The following CACNB4 variants were observed in gnomAD, a reference collection of about 807,000 sequenced individuals.
CACNB4 encodes calcium voltage-gated channel auxiliary subunit beta 4.
In CACNB4, 32 loss-of-function variants were observed where a neutral mutation model predicts 71.2. That is an observed-to-expected ratio of 0.45 (90% CI 0.34 to 0.60). The LOEUF (loss-of-function observed/expected upper bound fraction) is 0.60. CACNB4 is among the 20% of genes least tolerant of loss of function. CACNB4 has a pLI of 0.01. For missense variants in CACNB4, 464 were observed against 647.9 expected (o/e 0.72, Z 3.08); for synonymous variants, 231 against 236.9 (o/e 0.97, Z 0.23).
At chr2:151,869,375 C>A in intron 8 of CACNB4, 140 bp from the exon 9 acceptor site, 1 of 585,458 alleles carries the variant, frequency 1.7e-6, no homozygotes, top group Non-Finnish European at 3.1e-6. Context: ...GGGAGGTTAC[C>A]ATGGAAGGTG....
At chr2:152,008,159 C>T (rs1018396819) in intron 2 of CACNB4, among the ~76,000 whole-genome samples, 2 of 152,154 alleles carry the variant, frequency 1.3e-5, no homozygotes, top group African/African-American at 4.8e-5. Context: ...ATAAGAGTTC[C>T]CATTTCTCCA....
chr2:152,040,407 AATTTT>A (rs557335231), intron 2 of CACNB4, among the ~76,000 whole-genome samples: 1 of 152,202 alleles, frequency 6.6e-6, no homozygotes, highest in South Asian at 2.1e-4. Context: ...TCAGCTAATT[AATTTT>A]ATTTATCTAT....
At chr2:152,079,127 C>T (rs1033768400) in intron 2 of CACNB4, among the ~76,000 whole-genome samples, 3 of 152,040 alleles carry the variant, frequency 2.0e-5, no homozygotes, top group Non-Finnish European at 2.9e-5. Context: ...CTCACTCTGT[C>T]GCCCAGGCTG....
chr2:151,900,601 C>A (rs779631859), intron 2 of CACNB4, among the ~76,000 whole-genome samples: 12 of 152,106 alleles, frequency 7.9e-5, no homozygotes, highest in Admixed American at 7.9e-4. Flanking sequence ...ATCAGGAAAG[C>A]CGGGAGGAAG....
chr2:151,991,183 C>T (rs971165480), intron 2 of CACNB4, among the ~76,000 whole-genome samples: 2 of 152,198 alleles, frequency 1.3e-5, no homozygotes. Context: ...AAGGCTTGGA[C>T]TCTGAACACT....
At chr2:151,841,125 A>G (rs2099836112) in intron 13 of CACNB4, among the ~76,000 whole-genome samples, 5 of 152,216 alleles carry the variant, frequency 3.3e-5, no homozygotes, top group Admixed American at 3.3e-4. Flanking sequence ...TTCTGAACAG[A>G]GCAGCTCTAC....
intron 3 of CACNB4, 39 bp downstream of exon 3, chr2:151,883,212 C>T (rs201182450): frequency 1.9e-4 from 307 of 1,610,516 alleles, no homozygotes; most frequent in Non-Finnish European, 2.4e-4. Flanking sequence ...CACTGAGCAA[C>T]GACCCACTTT....
chr2:151,875,932 A>T (rs112414096), intron 5 of CACNB4, among the ~76,000 whole-genome samples: 1 of 9,346 alleles, frequency 1.1e-4, no homozygotes, highest in South Asian at 4.9e-3. Context: ...GGGCAGAGGC[A>T]CCCCTCACCT....
chr2:151,861,784 A>C (rs2099841713), intron 9 of CACNB4: 1 of 146,640 alleles, frequency 6.8e-6, no homozygotes, highest in South Asian at 2.2e-4. Flanking sequence ...CAGAGGCCGC[A>C]GTGAGCCGAG....
At chr2:151,839,830 T>A (rs1206190649) in intron 13 of CACNB4, among the ~76,000 whole-genome samples, 1 of 152,226 alleles carries the variant, frequency 6.6e-6, no homozygotes, top group African/African-American at 2.4e-5. Context: ...TAACTGAATA[T>A]TCCTTATACC....
intron 2 of CACNB4, among the ~76,000 whole-genome samples, chr2:152,073,996 A>G (rs2105383366): frequency 6.6e-6 from 1 of 152,266 alleles, no homozygotes. Context: ...TCCAGGGTCA[A>G]AGGCTGAGAA....
At chr2:152,004,721 G>A (rs1015433779) in intron 2 of CACNB4, among the ~76,000 whole-genome samples, 8 of 152,142 alleles carry the variant, frequency 5.3e-5, no homozygotes, top group African/African-American at 7.2e-5. Context: ...TAGGGCTCCC[G>A]CAGCACCACT....
chr2:151,952,603 TTAGAACGC>T (rs774364050), intron 2 of CACNB4, among the ~76,000 whole-genome samples: 8 of 152,176 alleles, frequency 5.3e-5, no homozygotes, highest in Non-Finnish European at 1.2e-4. Context: ...ATAATATGCC[TTAGAACGC>T]TAGAGGCTCC....
chr2:152,090,874 A>G (rs7605400), intron 2 of CACNB4, among the ~76,000 whole-genome samples: 57,578 of 151,462 alleles, frequency 0.38, 11,175 homozygotes, highest in Admixed American at 0.46. Flanking sequence ...GGTGAAGCCC[A>G]ATCTCTACTA....
intron 2 of CACNB4, among the ~76,000 whole-genome samples, chr2:152,054,198 T>C (rs1685601240): frequency 6.6e-6 from 1 of 151,298 alleles, no homozygotes; most frequent in African/African-American, 2.4e-5. Flanking sequence ...AAACCCCGTC[T>C]CTACTAAAAA....
intron 2 of CACNB4, chr2:151,971,563 A>C: frequency 1.4e-6 from 1 of 703,030 alleles, no homozygotes; most frequent in South Asian, 1.5e-5. Flanking sequence ...ATGCATTGGC[A>C]CTGAGAAAGA....
chr2:151,897,550 T>G (rs993437496), intron 2 of CACNB4, among the ~76,000 whole-genome samples: 1 of 152,198 alleles, frequency 6.6e-6, no homozygotes, highest in Admixed American at 6.5e-5. Flanking sequence ...AGATGAAACC[T>G]TGATTTAAAT....
At chr2:152,055,434 T>C (rs1685672914) in intron 2 of CACNB4, among the ~76,000 whole-genome samples, 1 of 152,228 alleles carries the variant, frequency 6.6e-6, no homozygotes, top group South Asian at 2.1e-4. Context: ...AGATCAACTT[T>C]AAACAAGCTT....
chr2:152,070,491 T>C (rs537329883), intron 2 of CACNB4, among the ~76,000 whole-genome samples: 1 of 152,204 alleles, frequency 6.6e-6, no homozygotes, highest in South Asian at 2.1e-4. Flanking sequence ...TTTTTTATAG[T>C]TGGCAAAAAC....
Sources: allele counts gnomAD v4.1 joint callset (sites outside exome capture counted in the v4.1 genomes callset), GRCh38; gene constraint gnomAD v4.1.1; transcripts MANE v1.5; gene names NCBI Gene and HGNC (gene_info 2026-07-23, HGNC 2026-07-21).